The following USP4 variants were observed in gnomAD, a reference collection of about 807,000 sequenced individuals.
The protein encoded by USP4 is ubiquitin specific peptidase 4, also known as ubiquitin carboxyl-terminal hydrolase 4.
In USP4, 72 loss-of-function variants were observed where a neutral mutation model predicts 118.2. The ratio of observed to expected loss-of-function variants is 0.61; its 90% confidence interval spans 0.50 to 0.74. The LOEUF (loss-of-function observed/expected upper bound fraction) is 0.74. USP4 is among the 30% of genes least tolerant of loss of function. The pLI is 0.00. For synonymous variants in USP4, 415 were observed against 440.4 expected, an observed-to-expected ratio of 0.94 and a Z score of 0.72; for missense variants, 1,037 against 1,185.7, an observed-to-expected ratio of 0.87 and a Z score of 1.84.
At chr3:49,303,426 G>T (rs374343438) in intron 9 of USP4, among the ~76,000 whole-genome samples, 2 of 113,016 alleles carry the variant, frequency 1.8e-5, no homozygotes, top group East Asian at 5.8e-4. Context: ...GGGCGACATA[G>T]CAAGGCTGTC....
At chr3:49,338,035 ACTT>A (rs1304138770) in intron 1 of USP4, among the ~76,000 whole-genome samples, 1 of 126,028 alleles carries the variant, frequency 7.9e-6, no homozygotes, top group African/African-American at 3.2e-5. Context: ...ATGCAGCGAG[ACTT>A]CGTCTCAAAA....
Position 49,298,496 on chromosome 3 carries a change from C to T in USP4, c.1596+56G>A, listed in dbSNP as rs2047231568. 1.1e-5 allele frequency: 17 copies of T among 1,565,596 alleles called. 1 individual carries two copies. In the Middle Eastern group the frequency reaches 5.0e-4, roughly 46 times the overall value. ...GTGGCTTCAAGGTTGAAAGTAAACT[C>T]CAAATGCTATGAAGTATCCCAAATA... On this transcript the variant is annotated intron_variant, in intron 12 of 21. Transcript: ENST00000265560.
chr3:49,308,541 A>T (rs1020015317), intron 8 of USP4, among the ~76,000 whole-genome samples: 1 of 151,764 alleles, frequency 6.6e-6, no homozygotes, highest in Non-Finnish European at 1.5e-5. Context: ...AGCTGTTGTC[A>T]AACTCTTGAC....
chr3:49,302,406 T>C lies in USP4; in HGVS notation c.1265A>G (p.Asp422Gly). 1 of 1,613,808 alleles carries C rather than the reference T, an allele frequency of 6.2e-7. No individual in the cohort carries two copies. Residue 422 changes from aspartate (D) to glycine (G), a missense_variant, in exon 10 of 22, where the codon GAT (aspartate) becomes GGT (glycine). Transcript: ENST00000265560. ...TACCGCATCTGGCCGCCCATTGGCA[T>C]CCTTCAGCTCCAAGTAGGGCTTTTT... ...VKKKPYLELKDANGRPDAVVA... is the reference protein window; with the variant it reads ...VKKKPYLELKGANGRPDAVVA...
chr3:49,328,149 G>A (rs2047576662), intron 2 of USP4, among the ~76,000 whole-genome samples: 1 of 152,058 alleles, frequency 6.6e-6, no homozygotes, highest in African/African-American at 2.4e-5. Context: ...CATGAGGTCA[G>A]GAGTTTGAGA....
chr3:49,282,405 G>C (rs1484463720), intron 19 of USP4, among the ~76,000 whole-genome samples: 1 of 151,836 alleles, frequency 6.6e-6, no homozygotes. Context: ...CTCCCAAGTA[G>C]CAGGGATTAC....
chr3:49,336,202 G>T (rs892104500), intron 1 of USP4, among the ~76,000 whole-genome samples: 1 of 97,860 alleles, frequency 1.0e-5, no homozygotes, highest in Admixed American at 1.6e-4. Context: ...CGGAGTTTTC[G>T]CTCTTGTTGC....
Position 49,339,908 on chromosome 3 carries a change from C to G in USP4, c.101+16G>C. 9 of 1,608,886 alleles carry G rather than the reference C, an allele frequency of 5.6e-6. No homozygotes were observed. The highest frequency in any genetic ancestry group is 7.6e-6 in the Non-Finnish European group (9 of 1,176,972). On this transcript the variant is annotated intron_variant, in intron 1 of 21. Transcript: ENST00000265560. ...CCCCTGGTTCTGCATAGAGGAAGAG[C>G]GAGCCGGGAGCTCACCACTGCGCCC... is the stretch of plus-strand genomic sequence containing the variant.
chr3:49,284,531 T>C lies in USP4; in HGVS notation c.2325A>G (p.Thr775=). ...MLQPQKKKKT[T]VALRDCIELF... ...GCTCGATGCAGTCTCTCAGGGCCAC[T>C]GTGGTCTTCTTCTTCTTCTGAGGCT... The change falls in exon 18 of 22, where the codon ACA becomes ACG. Residue 775 remains threonine (T), a synonymous_variant. Transcript: ENST00000265560. 1 of 1,614,108 alleles carries C rather than the reference T, an allele frequency of 6.2e-7. No individual in the cohort carries two copies. The highest frequency in any genetic ancestry group is 2.2e-5 in the East Asian group (1 of 44,880).
intron 6 of USP4, chr3:49,312,418 G>A: frequency 2.2e-6 from 1 of 447,200 alleles, no homozygotes; most frequent in Non-Finnish European, 4.5e-6. Context: ...GAACCCGGGA[G>A]TAAGCCGAGA....
intron 7 of USP4, among the ~76,000 whole-genome samples, chr3:49,311,209 A>G (rs1449360245): frequency 1.3e-5 from 2 of 152,102 alleles, no homozygotes; most frequent in South Asian, 2.1e-4. Flanking sequence ...TCCCTTCACA[A>G]CTATTCTGCC....
chr3:49,278,024 A>G lies in USP4; in HGVS notation c.*269T>C. The G allele has an allele frequency of 2.0e-6, 1 of 495,720 alleles. No individual in the cohort carries two copies. The highest frequency in any genetic ancestry group is 3.8e-5 in the Admixed American group (1 of 26,000). 30.7% of individuals were successfully genotyped at this position (495,720 alleles called of 1,614,324 possible). A position where few individuals can be genotyped will look rare whatever the true frequency, so the allele number is the denominator to read the frequency against. Reference sequence around the variant, plus strand: ...GGGATCCATCAGACATACTCCATTGAGTACCCCCATCCCACCCCCTTTTCA... The same window carrying G: ...GGGATCCATCAGACATACTCCATTGGGTACCCCCATCCCACCCCCTTTTCA... On this transcript the variant is annotated 3_prime_UTR_variant, in exon 22 of 22. Transcript: ENST00000265560.
chr3:49,287,316 G>A (rs765394041), intron 15 of USP4, among the ~76,000 whole-genome samples: 4 of 151,522 alleles, frequency 2.6e-5, no homozygotes, highest in Admixed American at 6.6e-5. Flanking sequence ...TACCACACCC[G>A]GCTACTTTTT....
chr3:49,295,814 A>G (rs1378807681), intron 13 of USP4, among the ~76,000 whole-genome samples: 1 of 152,074 alleles, frequency 6.6e-6, no homozygotes, highest in Non-Finnish European at 1.5e-5. Context: ...AAAAATGTCC[A>G]AGGTGTGCTC....
intron 1 of USP4, among the ~76,000 whole-genome samples, chr3:49,336,675 A>C (rs1194460312): frequency 1.3e-5 from 2 of 151,656 alleles, no homozygotes; most frequent in Non-Finnish European, 2.9e-5. Flanking sequence ...GGTGTGTGCC[A>C]CCACACCTGG....
Position 49,302,480 on chromosome 3 carries a change from C to T in USP4, c.1191G>A (p.Leu397=). 3 of 1,614,190 alleles carry T rather than the reference C, an allele frequency of 1.9e-6. No homozygotes were observed. The highest frequency in any genetic ancestry group is 1.1e-5 in the South Asian group (1 of 91,084). The change falls in exon 10 of 22, where the codon CTG becomes CTA. Residue 397 remains leucine, a synonymous_variant. Transcript: ENST00000265560. ...SGYQQQDSQE[L]LAFLLDGLHE... ...GCAATCCATCTAGAAGAAAGGCCAG[C>T]AGCTCCTGAGAATCTTGTTGCTGGT...
intron 9 of USP4, 70 bp from the exon 10 acceptor site, chr3:49,302,612 A>G: frequency 6.7e-7 from 1 of 1,501,794 alleles, no homozygotes; most frequent in Non-Finnish European, 9.0e-7. Flanking sequence ...AAGAATTGCC[A>G]TCAAAAATAG....
chr3:49,298,070 T>C (rs1333623446), intron 12 of USP4, 106 bp from the exon 13 acceptor site: 7 of 767,942 alleles, frequency 9.1e-6, no homozygotes, highest in Non-Finnish European at 1.5e-5. Flanking sequence ...TACTCAAATG[T>C]TGCCTCTAGA....
intron 3 of USP4, among the ~76,000 whole-genome samples, chr3:49,326,949 C>T (rs1183490330): frequency 1.3e-5 from 2 of 152,138 alleles, no homozygotes; most frequent in African/African-American, 4.8e-5. Context: ...ATCCACCCGC[C>T]TCAACCTCCC....
Sources: gnomAD v4.1 joint callset for allele counts (sites outside exome capture counted in the v4.1 genomes callset) on GRCh38, gnomAD v4.1.1 for gene constraint, MANE v1.5 for transcripts, NCBI Gene and HGNC (gene_info 2026-07-23, HGNC 2026-07-21) for gene names.